The following FNDC3B variants were observed in gnomAD, a reference collection of about 807,000 sequenced individuals.
FNDC3B encodes the protein fibronectin type III domain containing 3B.
A neutral mutation model predicts 151.5 loss-of-function variants in FNDC3B; 12 were observed. The ratio of observed to expected loss-of-function variants is 0.08; its 90% confidence interval spans 0.05 to 0.13. The LOEUF (loss-of-function observed/expected upper bound fraction) is 0.13, where lower values mean the gene tolerates loss of function less well. FNDC3B is among the 10% of genes least tolerant of loss of function. The probability of loss-of-function intolerance (pLI) is 1.00; values close to 1 mark genes in which losing one functional copy is unlikely to be tolerated. For missense variants in FNDC3B, 1,214 were observed against 1,505.3 expected (o/e 0.81, Z 3.20); for synonymous variants, 528 against 549.0 (o/e 0.96, Z 0.54).
rs140923095 is a variant in FNDC3B, at chr3:172,313,679, G to C, written c.1254+2798G>C. Among the ~76,000 whole-genome samples, 104 of 152,284 alleles carry C rather than the reference G, an allele frequency of 6.8e-4. 1 individual carries two copies. Among genetic ancestry groups the C allele is most frequent in the African/African-American group, 2.4e-3 (98 of 41,556 alleles). ...TTTTAAGCAGACACAAATAAAACAC[G>C]TTGCCATATGCTTCTCAAATTGTTC... On this transcript the variant is annotated intron_variant, in intron 11 of 25. Coordinates refer to ENST00000415807, the MANE Select transcript of FNDC3B (RefSeq NM_022763.4).
At chr3:172,235,055 A>G (rs997906768) in intron 4 of FNDC3B, among the ~76,000 whole-genome samples, 35 of 152,178 alleles carry the variant, frequency 2.3e-4, no homozygotes, top group Non-Finnish European at 4.4e-4. Context: ...AAAGGAAAAT[A>G]TAAAATTCAT....
intron 3 of FNDC3B, among the ~76,000 whole-genome samples, chr3:172,139,117 A>G (rs1417206053): frequency 6.6e-6 from 1 of 151,602 alleles, no homozygotes; most frequent in Non-Finnish European, 1.5e-5. Flanking sequence ...CCAGAATGTC[A>G]CAGGGACCTT....
intron 3 of FNDC3B, among the ~76,000 whole-genome samples, chr3:172,142,308 G>A (rs768658579): frequency 5.3e-5 from 8 of 152,160 alleles, no homozygotes; most frequent in Non-Finnish European, 1.0e-4. Context: ...ATGTCTTCAC[G>A]TTTAAATTCT....
intron 1 of FNDC3B, among the ~76,000 whole-genome samples, chr3:172,093,500 C>T (rs1468050904): frequency 1.3e-5 from 2 of 152,234 alleles, no homozygotes; most frequent in South Asian, 4.1e-4. Flanking sequence ...CCTCGTGATC[C>T]GCCCGCCTTG....
intron 1 of FNDC3B, among the ~76,000 whole-genome samples, chr3:172,110,581 T>C (rs1321756468): frequency 6.6e-6 from 1 of 151,752 alleles, no homozygotes; most frequent in African/African-American, 2.4e-5. Flanking sequence ...GGTTCTATCC[T>C]TAGGCTCACC....
At chr3:172,097,388 C>G (rs575754606) in intron 1 of FNDC3B, among the ~76,000 whole-genome samples, 1 of 152,146 alleles carries the variant, frequency 6.6e-6, no homozygotes, top group East Asian at 1.9e-4. Flanking sequence ...AGAATGGTGA[C>G]GATTAGTTCT....
At chr3:172,354,415 G>C (rs1041904732) in intron 22 of FNDC3B, among the ~76,000 whole-genome samples, 4 of 151,342 alleles carry the variant, frequency 2.6e-5, no homozygotes, top group Non-Finnish European at 5.9e-5. Context: ...TAATATTTTT[G>C]CTTGCTAATG....
At position 172,251,251 on chromosome 3, in the gene FNDC3B, C is replaced by T; in HGVS notation, c.509-9C>T. On this transcript the variant is annotated splice_polypyrimidine_tract_variant and intron_variant, in intron 5 of 25. Coordinates refer to ENST00000415807, the MANE Select transcript of FNDC3B (RefSeq NM_022763.4). The stretch of plus-strand genomic sequence containing the variant: ...CTGAGTTTGGGTTTATCATAATCAT[C>T]CATTTTAGAAATTATACCATTTTAT... 3 of 1,593,210 alleles carry T rather than the reference C, an allele frequency of 1.9e-6. No homozygotes were observed. The highest frequency in any genetic ancestry group is 2.6e-6 in the Non-Finnish European group (3 of 1,164,004).
chr3:172,074,443 A>G (rs1717914283), intron 1 of FNDC3B, among the ~76,000 whole-genome samples: 1 of 152,232 alleles, frequency 6.6e-6, no homozygotes, highest in South Asian at 2.1e-4. Flanking sequence ...AAAAATTAGC[A>G]CAAGGTTAAA....
At chr3:172,107,449 A>G (rs1719715361) in intron 1 of FNDC3B, among the ~76,000 whole-genome samples, 1 of 152,140 alleles carries the variant, frequency 6.6e-6, no homozygotes, top group Non-Finnish European at 1.5e-5. Context: ...GAATGGATTC[A>G]TGATCACATC....
intron 11 of FNDC3B, among the ~76,000 whole-genome samples, chr3:172,319,989 C>T (rs542203342): frequency 1.4e-4 from 22 of 152,296 alleles, no homozygotes; most frequent in African/African-American, 4.8e-4. Context: ...GCCACAAGCA[C>T]GTGACAACTG....
chr3:172,316,322 A>AT, intron 11 of FNDC3B: 1 of 435,484 alleles, frequency 2.3e-6, no homozygotes, highest in Non-Finnish European at 4.5e-6. Context: ...TTGATGACAT[A>AT]TCACTATCTA....
intron 8 of FNDC3B, among the ~76,000 whole-genome samples, chr3:172,295,850 C>A (rs557056231): frequency 6.6e-6 from 1 of 152,126 alleles, no homozygotes; most frequent in East Asian, 1.9e-4. Context: ...ATAAGGTGAC[C>A]GCTTATGTTT....
At chr3:172,044,891 G>C (rs73037190) in intron 1 of FNDC3B, among the ~76,000 whole-genome samples, 6,380 of 152,282 alleles carry the variant, frequency 0.042, 315 homozygotes, top group African/African-American at 0.11. Context: ...CCACATCTGA[G>C]CATCAGTTTG....
chr3:172,152,223 CTG>C, intron 3 of FNDC3B, among the ~76,000 whole-genome samples: 1 of 152,336 alleles, frequency 6.6e-6, no homozygotes, highest in South Asian at 2.1e-4. Context: ...CCTCCTGGCT[CTG>C]TGTGGTTTTC....
intron 24 of FNDC3B, among the ~76,000 whole-genome samples, chr3:172,379,754 T>G (rs563473010): frequency 1.6e-4 from 25 of 152,310 alleles, no homozygotes; most frequent in Non-Finnish European, 3.2e-4. Context: ...CATTGATCAG[T>G]TATCCCACTT....
At chr3:172,279,978 AT>A (rs1414896200) in intron 6 of FNDC3B, among the ~76,000 whole-genome samples, 1 of 152,144 alleles carries the variant, frequency 6.6e-6, no homozygotes, top group Non-Finnish European at 1.5e-5. Flanking sequence ...CAGTGGCGCC[AT>A]CTCAGCTCAC....
intron 6 of FNDC3B, among the ~76,000 whole-genome samples, chr3:172,274,826 T>C (rs1322310980): frequency 6.6e-6 from 1 of 152,172 alleles, no homozygotes; most frequent in Admixed American, 6.5e-5. Context: ...TGTGTCTGCA[T>C]CCGAATTTCC....
At chr3:172,219,391 T>G (rs1005193088) in intron 3 of FNDC3B, among the ~76,000 whole-genome samples, 11 of 152,258 alleles carry the variant, frequency 7.2e-5, no homozygotes, top group Admixed American at 7.2e-4. Context: ...AGTTGCTGTT[T>G]TGTAGCTTGT....
Sources: gnomAD v4.1 joint callset for allele counts (sites outside exome capture counted in the v4.1 genomes callset) on GRCh38, gnomAD v4.1.1 for gene constraint, MANE v1.5 for transcripts, NCBI Gene and HGNC (gene_info 2026-07-23, HGNC 2026-07-21) for gene names.